Variants in CATSPERD observed in about 807,000 individuals in gnomAD.
CATSPERD encodes the protein catsper channel auxiliary subunit delta.
In CATSPERD, 86 loss-of-function variants were observed where a neutral mutation model predicts 98.1. The observed-to-expected ratio is 0.88, with a 90% CI of 0.74 to 1.05. CATSPERD has a LOEUF of 1.05. Ranked by LOEUF, CATSPERD falls within the 50% of genes least tolerant of loss-of-function variation. The pLI, the probability that CATSPERD is intolerant of heterozygous loss-of-function variation, is 0.00. For synonymous variants in CATSPERD, 394 were observed against 390.2 expected (o/e 1.01, Z -0.12); for missense variants, 995 against 1,005.7 (o/e 0.99, Z 0.14).
intron 1 of CATSPERD, among the ~76,000 whole-genome samples, chr19:5,721,539 C>T (rs1274166563): frequency 2.0e-5 from 3 of 152,250 alleles, no homozygotes; most frequent in Admixed American, 2.0e-4. Context: ...TTCCTGCCCT[C>T]AGGGAACTCC....
chr19:5,738,387 C>G (rs1172671219), intron 6 of CATSPERD, among the ~76,000 whole-genome samples: 2 of 150,084 alleles, frequency 1.3e-5, no homozygotes, highest in African/African-American at 4.9e-5. Context: ...AAAAAAATAG[C>G]TAGATATGGT....
At position 5,777,120 on chromosome 19, in the gene CATSPERD, A is replaced by C. The variant is rs75556118; in HGVS notation, c.2096+805A>C. ...CTTTGGAAGGGGGACACCAGGTGGA[A>C]ATCTTCCTCATATCCTCACCCCTAC... On this transcript the variant is annotated intron_variant, in intron 21 of 21. Coordinates refer to ENST00000381624, the MANE Select transcript of CATSPERD (RefSeq NM_152784.4). 3.8e-3 allele frequency among the ~76,000 whole-genome samples: 576 copies of C among 152,124 alleles called. 4 individuals are homozygous for C. Among genetic ancestry groups the C allele is most frequent in the African/African-American group, 0.013 (554 of 41,494 alleles).
rs745749892 is a variant in CATSPERD at position 5,778,464 on chromosome 19, AT to A, written c.2186del (p.Ile729ThrfsTer86). On this transcript the variant is annotated frameshift_variant, in exon 22 of 22. Transcript: ENST00000381624. LOFTEE classifies it low-confidence loss of function (END_TRUNC). ...LVSAGVVILL[I>X]ISSILGSVWL... ...CTCTGCTGGAGTCGTCATCCTACTG[AT>A]CATCTCCAGCATCCTGGGGTCCGTT... 4.0e-5 allele frequency: 65 copies of A among 1,613,796 alleles called. No individual in the cohort carries two copies. The highest frequency in any genetic ancestry group is 4.8e-5 in the Non-Finnish European group (57 of 1,180,024).
Position 5,759,163 on chromosome 19 carries a change from G to A in CATSPERD, c.1427+19G>A. 6.2e-7 allele frequency: 1 copy of A among 1,613,086 alleles called. No individual in the cohort carries two copies. Among genetic ancestry groups the A allele is most frequent in the Non-Finnish European group, 8.5e-7 (1 of 1,179,166 alleles). On this transcript the variant is annotated intron_variant, in intron 15 of 21. Coordinates refer to ENST00000381624, the MANE Select transcript of CATSPERD (RefSeq NM_152784.4). ...CTTCCAGGTATGTTGTCTCCTGGGA[G>A]AGGCGGGGACTGGGCTGCCTACAGG...
At chr19:5,743,607 A>AAAAAAAG (rs1377418199) in intron 7 of CATSPERD, among the ~76,000 whole-genome samples, 5 of 8,028 alleles carry the variant, frequency 6.2e-4, no homozygotes, top group Admixed American at 5.5e-3. Flanking sequence ...TCAAAAAAAG[A>AAAAAAAG]AAAAAAGAAA....
intron 18 of CATSPERD, among the ~76,000 whole-genome samples, chr19:5,770,114 G>A (rs551554180): frequency 7.5e-5 from 11 of 145,846 alleles, no homozygotes; most frequent in Non-Finnish European, 4.5e-5. Flanking sequence ...AAGTAATTAC[G>A]GTTTTTGCCA....
intron 10 of CATSPERD, 69 bp downstream of exon 10, chr19:5,748,324 C>G: frequency 7.0e-7 from 1 of 1,420,364 alleles, no homozygotes; most frequent in South Asian, 1.1e-5. Flanking sequence ...GCCTGCCAGA[C>G]CCAACCCAGC....
intron 21 of CATSPERD, among the ~76,000 whole-genome samples, chr19:5,777,616 C>T (rs2056759434): frequency 6.6e-6 from 1 of 152,162 alleles, no homozygotes; most frequent in Non-Finnish European, 1.5e-5. Flanking sequence ...GGCACAATAG[C>T]TTACGCCTGT....
In CATSPERD at chr19:5,756,865, C is replaced by T. The variant is rs145945015; in HGVS notation, c.1279-978C>T. Among the ~76,000 whole-genome samples the T allele has an allele frequency of 6.3e-3, 951 of 151,986 alleles. 16 individuals carry two copies. The highest frequency in any genetic ancestry group is 0.022 in the African/African-American group (917 of 41,448). ...GGCTGACACATGAGAATCGCTTGAACCCAGGAGGCAGAGGTTGCAGTGAGC... is the reference window on the plus strand; with the variant it reads ...GGCTGACACATGAGAATCGCTTGAATCCAGGAGGCAGAGGTTGCAGTGAGC... On this transcript the variant is annotated intron_variant, in intron 13 of 21. Transcript: ENST00000381624.
At chr19:5,742,131 TGTGTGCGC>T (rs912671310) in intron 7 of CATSPERD, among the ~76,000 whole-genome samples, 9 of 146,910 alleles carry the variant, frequency 6.1e-5, no homozygotes, top group South Asian at 4.3e-4. Flanking sequence ...TGTGTGTGCG[TGTGTGCGC>T]GTGTGTACGT....
intron 20 of CATSPERD, among the ~76,000 whole-genome samples, chr19:5,775,617 C>A (rs2056727290): frequency 7.0e-6 from 1 of 143,376 alleles, no homozygotes; most frequent in Admixed American, 7.0e-5. Context: ...CCACTGCACT[C>A]CAGCCTGGGC....
intron 5 of CATSPERD, among the ~76,000 whole-genome samples, chr19:5,734,700 C>A (rs1439255988): frequency 5.3e-5 from 8 of 151,406 alleles, no homozygotes; most frequent in Non-Finnish European, 1.2e-4. Flanking sequence ...TACTCTGGAG[C>A]CCGAGGCAGG....
Position 5,720,676 on chromosome 19 carries a change from G to A in CATSPERD, c.-62G>A. 1 of 1,519,718 alleles carries A rather than the reference G, an allele frequency of 6.6e-7. No individual in the cohort carries two copies. Among genetic ancestry groups the A allele is most frequent in the Admixed American group, 1.8e-5 (1 of 56,584 alleles). 94.1% of individuals were successfully genotyped at this position (1,519,718 alleles called of 1,614,324 possible). On this transcript the variant is annotated 5_prime_UTR_variant, in exon 1 of 22. Transcript: ENST00000381624. Reference sequence around the variant, plus strand: ...GCAGGGCTTCAGCCTGCACGTACTCGGATTGTGCAGCGACTCCCCGTGGCG... The same window carrying A: ...GCAGGGCTTCAGCCTGCACGTACTCAGATTGTGCAGCGACTCCCCGTGGCG...
At chr19:5,772,129 C>A (rs1178160457) in intron 19 of CATSPERD, 2 of 400,912 alleles carry the variant, frequency 5.0e-6, no homozygotes, top group Non-Finnish European at 9.7e-6. Flanking sequence ...TTCATTGCAG[C>A]CTTAACCTCC....
intron 6 of CATSPERD, among the ~76,000 whole-genome samples, chr19:5,737,926 A>G (rs573965241): frequency 6.6e-6 from 1 of 151,990 alleles, no homozygotes; most frequent in Non-Finnish European, 1.5e-5. Context: ...GAACTTGGTC[A>G]GTGTTATTTC....
chr19:5,723,894 A>G (rs1490420876), intron 1 of CATSPERD, among the ~76,000 whole-genome samples: 1 of 151,822 alleles, frequency 6.6e-6, no homozygotes, highest in African/African-American at 2.4e-5. Context: ...CTCCTGCCTC[A>G]GCCTCCTGAG....
At chr19:5,769,418 C>T (rs1293026882) in intron 18 of CATSPERD, among the ~76,000 whole-genome samples, 1 of 152,008 alleles carries the variant, frequency 6.6e-6, no homozygotes, top group Non-Finnish European at 1.5e-5. Flanking sequence ...TGGCTCCAAG[C>T]CATTCATAGC....
chr19:5,770,626 A>T (rs1023249751), intron 18 of CATSPERD, among the ~76,000 whole-genome samples: 1 of 151,850 alleles, frequency 6.6e-6, no homozygotes, highest in African/African-American at 2.4e-5. Flanking sequence ...ACAAAAATTT[A>T]AAATATTAAC....
chr19:5,730,676 T>C (rs2055697474), intron 4 of CATSPERD, among the ~76,000 whole-genome samples: 1 of 151,950 alleles, frequency 6.6e-6, no homozygotes, highest in Non-Finnish European at 1.5e-5. Context: ...GCACATTGAT[T>C]GGCCAAGACA....
Sources: allele counts gnomAD v4.1 joint callset (sites outside exome capture counted in the v4.1 genomes callset), GRCh38; gene constraint gnomAD v4.1.1; transcripts MANE v1.5; gene names NCBI Gene and HGNC (gene_info 2026-07-23, HGNC 2026-07-21).